The following NAV3 variants were observed in gnomAD, a reference collection of about 807,000 sequenced individuals.
NAV3 encodes neuron navigator 3, also known as pore membrane and/or filament interacting like protein 1.
A neutral mutation model predicts 244.7 loss-of-function variants in NAV3; 87 were observed. The ratio of observed to expected loss-of-function variants is 0.36; its 90% confidence interval spans 0.30 to 0.42. The LOEUF is 0.42. Ranked by LOEUF, NAV3 falls within the 20% of genes least tolerant of loss-of-function variation. NAV3 has a pLI of 1.00. For missense variants in NAV3, 2,663 were observed against 2,893.3 expected (o/e 0.92, Z 1.83); for synonymous variants, 1,126 against 1,042.2 (o/e 1.08, Z -1.55).
At chr12:77,726,744 G>A (rs1876895525) in intron 2 of NAV3, among the ~76,000 whole-genome samples, 1 of 151,832 alleles carries the variant, frequency 6.6e-6, no homozygotes, top group South Asian at 2.1e-4. Flanking sequence ...AAGGACTTGA[G>A]TAAAACAACA....
At chr12:77,851,399 A>G (rs1026147849) in intron 1 of NAV3, among the ~76,000 whole-genome samples, 1 of 152,208 alleles carries the variant, frequency 6.6e-6, no homozygotes, top group Non-Finnish European at 1.5e-5. Flanking sequence ...ATTGTGGTTA[A>G]TAGTGCCACT....
chr12:78,114,136 C>T (rs1455607391), intron 12 of NAV3, among the ~76,000 whole-genome samples: 1 of 152,204 alleles, frequency 6.6e-6, no homozygotes, highest in Non-Finnish European at 1.5e-5. Context: ...CCATCTGAGA[C>T]CACCTTAGCC....
intron 18 of NAV3, among the ~76,000 whole-genome samples, chr12:78,133,640 A>T (rs1052761627): frequency 1.3e-5 from 2 of 152,078 alleles, no homozygotes; most frequent in African/African-American, 4.8e-5. Context: ...TAAGATCACT[A>T]CAATATGTCA....
chr12:77,704,700 A>C (rs1324542337), intron 2 of NAV3, among the ~76,000 whole-genome samples: 1 of 152,182 alleles, frequency 6.6e-6, no homozygotes, highest in African/African-American at 2.4e-5. Context: ...ACTTTAAGAG[A>C]CTGGGCATTA....
At chr12:78,198,378 C>T (rs1183067625) in intron 35 of NAV3, among the ~76,000 whole-genome samples, 4 of 151,788 alleles carry the variant, frequency 2.6e-5, no homozygotes, top group African/African-American at 9.7e-5. Flanking sequence ...AACTCAGGCT[C>T]GGAGAGAGAA....
At chr12:78,025,787 T>A (rs1877959640) in intron 9 of NAV3, among the ~76,000 whole-genome samples, 1 of 152,096 alleles carries the variant, frequency 6.6e-6, no homozygotes, top group East Asian at 1.9e-4. Flanking sequence ...GCACCTTCAC[T>A]TTTTCTTGTT....
At chr12:78,018,994 C>A (rs1876704538) in intron 8 of NAV3, among the ~76,000 whole-genome samples, 1 of 151,874 alleles carries the variant, frequency 6.6e-6, no homozygotes, top group Middle Eastern at 3.2e-3. Flanking sequence ...AAATTGGGGT[C>A]CAGAAGAGAA....
rs2138702997 is a variant in NAV3 at position 78,122,349 on chromosome 12, T to C, written c.4159T>C (p.Ser1387Pro). The C allele has an allele frequency of 6.2e-7, 1 of 1,614,094 alleles. No individual in the cohort carries two copies. The highest frequency in any genetic ancestry group is 8.5e-7 in the Non-Finnish European group (1 of 1,180,004). ...DLPLSHHGSL[S>P]GLTTGTHEVQ... Reference sequence around the variant, plus strand: ...CCCCCTCAGCCATCATGGCTCCTTGTCTGGACTGACCACAGGCACTCACGA... The same window carrying C: ...CCCCCTCAGCCATCATGGCTCCTTGCCTGGACTGACCACAGGCACTCACGA... The change falls in exon 16 of 40, where the codon TCT (serine) becomes CCT (proline). Residue 1387 changes from serine (S) to proline (P), a missense_variant. Coordinates refer to ENST00000397909, the MANE Select transcript of NAV3 (RefSeq NM_001024383.2).
chr12:78,062,051 A>G (rs1884403972), intron 12 of NAV3, among the ~76,000 whole-genome samples: 1 of 152,144 alleles, frequency 6.6e-6, no homozygotes, highest in Non-Finnish European at 1.5e-5. Flanking sequence ...TTCAAAGCAT[A>G]TCTTCTCTCT....
At chr12:78,014,258 T>C (rs1176990284) in intron 8 of NAV3, among the ~76,000 whole-genome samples, 1 of 152,092 alleles carries the variant, frequency 6.6e-6, no homozygotes, top group African/African-American at 2.4e-5. Flanking sequence ...TGACCATTTG[T>C]AGTAAATACC....
chr12:78,042,225 A>C (rs1323116003), intron 9 of NAV3, among the ~76,000 whole-genome samples: 1 of 152,202 alleles, frequency 6.6e-6, no homozygotes, highest in African/African-American at 2.4e-5. Context: ...GAAGTATTGT[A>C]TGACTATCAA....
intron 12 of NAV3, among the ~76,000 whole-genome samples, chr12:78,074,428 G>A (rs150906011): frequency 5.6e-4 from 86 of 152,262 alleles, no homozygotes; most frequent in African/African-American, 1.6e-3. Flanking sequence ...GTAGCCAGGC[G>A]CAGTGTCTCA....
intron 12 of NAV3, among the ~76,000 whole-genome samples, chr12:78,113,784 G>T (rs1440348854): frequency 6.6e-6 from 1 of 152,164 alleles, no homozygotes; most frequent in Non-Finnish European, 1.5e-5. Context: ...GCAAATTTCT[G>T]CAGCAGGCTT....
chr12:77,930,979 C>T (rs561927289), intron 1 of NAV3, among the ~76,000 whole-genome samples: 1 of 152,122 alleles, frequency 6.6e-6, no homozygotes, highest in Non-Finnish European at 1.5e-5. Flanking sequence ...GCCCCACCCT[C>T]CTGAAGCTTT....
intron 9 of NAV3, among the ~76,000 whole-genome samples, chr12:78,047,621 T>C (rs745471502): frequency 4.3e-4 from 66 of 152,344 alleles, no homozygotes; most frequent in Non-Finnish European, 8.5e-4. Flanking sequence ...TCAGCCTTTC[T>C]CTCTGGCTGC....
At chr12:78,137,504 A>G in intron 19 of NAV3, 139 bp downstream of exon 19, 1 of 853,414 alleles carries the variant, frequency 1.2e-6, no homozygotes, top group Non-Finnish European at 1.7e-6. Flanking sequence ...TAGAAGCTTG[A>G]AGAAGTTTTA....
chr12:77,852,425 C>T (rs1173612304), intron 1 of NAV3, among the ~76,000 whole-genome samples: 4 of 151,968 alleles, frequency 2.6e-5, no homozygotes, highest in Non-Finnish European at 4.4e-5. Flanking sequence ...ATCCCAGCTA[C>T]TTGAAAGGGA....
At chr12:77,902,201 G>T (rs1344742051) in intron 1 of NAV3, among the ~76,000 whole-genome samples, 1 of 152,126 alleles carries the variant, frequency 6.6e-6, no homozygotes, top group Non-Finnish European at 1.5e-5. Context: ...CTGTAATCAG[G>T]ATGCTACTTT....
At chr12:77,734,901 C>A (rs1434457199) in intron 2 of NAV3, among the ~76,000 whole-genome samples, 1 of 152,144 alleles carries the variant, frequency 6.6e-6, no homozygotes, top group African/African-American at 2.4e-5. Flanking sequence ...TTATTTCCTT[C>A]ATTTGCTTTT....
Sources: gnomAD v4.1 joint callset for allele counts (sites outside exome capture counted in the v4.1 genomes callset) on GRCh38, gnomAD v4.1.1 for gene constraint, MANE v1.5 for transcripts, NCBI Gene and HGNC (gene_info 2026-07-23, HGNC 2026-07-21) for gene names.